The following TMEM65 variants were observed in gnomAD, a reference collection of about 807,000 sequenced individuals.
The protein encoded by TMEM65 is transmembrane protein 65.
Under a neutral mutation model 25.4 loss-of-function variants are expected in TMEM65, and 22 were observed. That is an observed-to-expected ratio of 0.86 (90% confidence interval 0.62 to 1.23). TMEM65 has a LOEUF of 1.23. TMEM65 is among the 50% of genes most tolerant of loss of function. TMEM65 has a pLI of 0.00. For missense variants in TMEM65, 262 were observed against 308.2 expected (o/e 0.85, Z 1.12); for synonymous variants, 132 against 126.2 (o/e 1.05, Z -0.31).
intron 3 of TMEM65, among the ~76,000 whole-genome samples, chr8:124,327,007 T>C (rs761373157): frequency 1.3e-5 from 2 of 152,046 alleles, no homozygotes; most frequent in Non-Finnish European, 2.9e-5. Flanking sequence ...TAATTACCTA[T>C]ATATGTGATA....
intron 1 of TMEM65, among the ~76,000 whole-genome samples, chr8:124,347,205 G>C (rs958618239): frequency 6.6e-6 from 1 of 152,048 alleles, no homozygotes; most frequent in African/African-American, 2.4e-5. Flanking sequence ...TAATTTAGTA[G>C]ATTTTAATTA....
At chr8:124,361,350 G>A (rs998933994) in intron 1 of TMEM65, among the ~76,000 whole-genome samples, 1 of 151,628 alleles carries the variant, frequency 6.6e-6, no homozygotes, top group African/African-American at 2.4e-5. Context: ...CAGGAGAATG[G>A]CTTGAACCAG....
At chr8:124,362,208 AAGG>A (rs1422809535) in intron 1 of TMEM65, among the ~76,000 whole-genome samples, 1 of 152,058 alleles carries the variant, frequency 6.6e-6, no homozygotes, top group African/African-American at 2.4e-5. Flanking sequence ...TGTTTTTGAT[AAGG>A]AAAGTTGTAA....
chr8:124,338,449 G>A (rs184925186), intron 1 of TMEM65, among the ~76,000 whole-genome samples: 3 of 151,908 alleles, frequency 2.0e-5, no homozygotes, highest in East Asian at 3.9e-4. Flanking sequence ...AAAATTCATC[G>A]CAGACAAAGT....
At chr8:124,346,431 T>C (rs1814641354) in intron 1 of TMEM65, among the ~76,000 whole-genome samples, 1 of 151,272 alleles carries the variant, frequency 6.6e-6, no homozygotes, top group African/African-American at 2.5e-5. Context: ...TCCTAGTCTA[T>C]TTTTTTTATT....
chr8:124,372,160 C>A lies in TMEM65; in HGVS notation c.-3G>T. 7.9e-7 allele frequency: 1 copy of A among 1,267,268 alleles called. No individual in the cohort carries two copies. The highest frequency in any genetic ancestry group is 1.0e-6 in the Non-Finnish European group (1 of 1,002,464). The allele number at this position is 1,267,268 out of a possible 1,614,324, so 78.5% of individuals were successfully genotyped here. ...AGCAGCGGCAGCAGCCGGGACATGG[C>A]GAGCTGAGGAGCTGGGACCCCCGCG... On this transcript the variant is annotated 5_prime_UTR_variant, in exon 1 of 7. Transcript: ENST00000297632.
chr8:124,317,017 A>G (rs1047754305), intron 6 of TMEM65, among the ~76,000 whole-genome samples: 2 of 152,150 alleles, frequency 1.3e-5, no homozygotes, highest in African/African-American at 4.8e-5. Flanking sequence ...TCCCTGGTAT[A>G]GTTGTGATCC....
At chr8:124,334,763 CAAAA>C (rs34202764) in intron 1 of TMEM65, among the ~76,000 whole-genome samples, 3 of 86,024 alleles carry the variant, frequency 3.5e-5, no homozygotes, top group Admixed American at 1.2e-4. Context: ...GACTCCGTCT[CAAAA>C]AAAAAAAAAA....
At chr8:124,321,472 T>C (rs1814302434) in intron 5 of TMEM65, among the ~76,000 whole-genome samples, 1 of 152,092 alleles carries the variant, frequency 6.6e-6, no homozygotes, top group South Asian at 2.1e-4. Flanking sequence ...GGAACAAGAA[T>C]GTAAAGAGAG....
At chr8:124,358,034 T>C (rs1166084070) in intron 1 of TMEM65, among the ~76,000 whole-genome samples, 1 of 152,030 alleles carries the variant, frequency 6.6e-6, no homozygotes, top group African/African-American at 2.4e-5. Context: ...TTCGCCATGT[T>C]AGCCAGGCTG....
At position 124,372,184 on chromosome 8, in the gene TMEM65, C is replaced by T. The variant is rs1251347216; in HGVS notation, c.-27G>A. 7.7e-7 allele frequency: 1 copy of T among 1,298,424 alleles called. No individual in the cohort carries two copies. The highest frequency in any genetic ancestry group is 9.8e-7 in the Non-Finnish European group (1 of 1,020,086). The allele number at this position is 1,298,424 out of a possible 1,614,324, so 80.4% of individuals were successfully genotyped here. A position where few individuals can be genotyped will look rare whatever the true frequency, so the allele number is the denominator to read the frequency against. ...GCGAGCTGAGGAGCTGGGACCCCCG[C>T]GGCCGTCCGGCAAGGCGGTTTCTGG... On this transcript the variant is annotated 5_prime_UTR_variant, in exon 1 of 7. Coordinates refer to ENST00000297632, the MANE Select transcript of TMEM65 (RefSeq NM_194291.3).
intron 1 of TMEM65, among the ~76,000 whole-genome samples, chr8:124,365,265 A>G (rs1225703442): frequency 6.6e-6 from 1 of 152,230 alleles, no homozygotes; most frequent in Non-Finnish European, 1.5e-5. Flanking sequence ...CATATTTCCC[A>G]AATTTCTAAT....
intron 1 of TMEM65, among the ~76,000 whole-genome samples, chr8:124,361,186 C>A (rs1814854010): frequency 6.6e-6 from 1 of 152,058 alleles, no homozygotes; most frequent in African/African-American, 2.4e-5. Context: ...GTAGTCCCAG[C>A]ACTTTGGGAG....
intron 1 of TMEM65, among the ~76,000 whole-genome samples, chr8:124,359,959 A>G (rs1814838480): frequency 6.6e-6 from 1 of 152,154 alleles, no homozygotes; most frequent in Admixed American, 6.5e-5. Context: ...AGGCGCAGAG[A>G]ACGCTTTCTT....
chr8:124,318,157 C>T (rs1255351904), intron 6 of TMEM65, among the ~76,000 whole-genome samples: 2 of 151,950 alleles, frequency 1.3e-5, no homozygotes, highest in African/African-American at 4.8e-5. Context: ...GGTTAGGTCC[C>T]TCACAGCCAC....
intron 6 of TMEM65, among the ~76,000 whole-genome samples, chr8:124,317,768 T>C (rs1273391814): frequency 1.3e-5 from 2 of 152,166 alleles, no homozygotes; most frequent in Non-Finnish European, 2.9e-5. Flanking sequence ...TACATAAGGC[T>C]CCATCTTGCC....
At position 124,309,870 on chromosome 8, in the gene TMEM65, G is replaced by C. The variant is rs960399868; in HGVS notation, c.*4090C>G. On this transcript the variant is annotated 3_prime_UTR_variant, in exon 7 of 7. Coordinates refer to ENST00000297632, the MANE Select transcript of TMEM65 (RefSeq NM_194291.3). ...GTCTGAGGCCAGCCTGGCCAACATG[G>C]TGAAACCCCGTTTCTACTAAAAATA... The C allele has an allele frequency of 3.3e-5, 5 of 152,160 alleles. No homozygotes were observed. Among genetic ancestry groups the C allele is most frequent in the Non-Finnish European group, 7.3e-5 (5 of 68,098 alleles). The allele number at this position is 152,160 out of a possible 1,614,324, so 9.4% of individuals were successfully genotyped here. A position where few individuals can be genotyped will look rare whatever the true frequency, so the allele number is the denominator to read the frequency against.
chr8:124,345,518 C>A (rs1814630715), intron 1 of TMEM65, among the ~76,000 whole-genome samples: 1 of 152,132 alleles, frequency 6.6e-6, no homozygotes, highest in Non-Finnish European at 1.5e-5. Flanking sequence ...TAGCCTCCAT[C>A]ATAAAATTAC....
chr8:124,332,571 C>G (rs1814445253), intron 1 of TMEM65, among the ~76,000 whole-genome samples: 1 of 151,950 alleles, frequency 6.6e-6, no homozygotes, highest in South Asian at 2.1e-4. Flanking sequence ...TTCTTTCCTA[C>G]TACACATAAA....
Sources: allele counts gnomAD v4.1 joint callset (sites outside exome capture counted in the v4.1 genomes callset), GRCh38; gene constraint gnomAD v4.1.1; transcripts MANE v1.5; gene names NCBI Gene and HGNC (gene_info 2026-07-23, HGNC 2026-07-21).